The following SLC6A15 variants were observed in gnomAD, a reference collection of about 807,000 sequenced individuals.
SLC6A15 encodes the protein solute carrier family 6 member 15.
SLC6A15 carries 33 observed loss-of-function variants against 68.5 expected under a neutral mutation model. That is an observed-to-expected ratio of 0.48 (90% confidence interval 0.37 to 0.64). The LOEUF is 0.64. SLC6A15 is among the 30% of genes least tolerant of loss of function. The probability of loss-of-function intolerance (pLI) is 0.00; values close to 1 mark genes in which losing one functional copy is unlikely to be tolerated. For missense variants in SLC6A15, 747 were observed against 874.3 expected, an observed-to-expected ratio of 0.85 and a Z score of 1.84; for synonymous variants, 347 against 301.0, an observed-to-expected ratio of 1.15 and a Z score of -1.58.
intron 11 of SLC6A15, among the ~76,000 whole-genome samples, chr12:84,862,302 TGAGTTAGCCCAGGCAA>T (rs1188515166): frequency 6.6e-6 from 1 of 152,114 alleles, no homozygotes; most frequent in East Asian, 1.9e-4. Context: ...TGCAACTGCT[TGAGTTAGCCCAGGCAA>T]GAAAAGAAGA....
chr12:84,894,971 G>A (rs1477311781), intron 1 of SLC6A15, among the ~76,000 whole-genome samples: 2 of 152,078 alleles, frequency 1.3e-5, no homozygotes, highest in Middle Eastern at 6.9e-3. Flanking sequence ...GTGGGTATTT[G>A]CATGCATTAA....
intron 1 of SLC6A15, among the ~76,000 whole-genome samples, chr12:84,894,745 G>A (rs1334950188): frequency 6.6e-6 from 1 of 151,992 alleles, no homozygotes; most frequent in Admixed American, 6.6e-5. Flanking sequence ...ATTTACATAA[G>A]TTATCCTTTG....
intron 2 of SLC6A15, among the ~76,000 whole-genome samples, chr12:84,886,531 CT>C (rs948182229): frequency 1.0e-4 from 15 of 149,834 alleles, no homozygotes; most frequent in East Asian, 2.0e-4. Flanking sequence ...TTAACGTTGA[CT>C]TTTTTTTCCA....
At chr12:84,897,227 A>C in intron 1 of SLC6A15, among the ~76,000 whole-genome samples, 1 of 152,114 alleles carries the variant, frequency 6.6e-6, no homozygotes, top group South Asian at 2.1e-4. Flanking sequence ...AAAATAAAAT[A>C]AAGAAAAAGA....
chr12:84,904,215 G>A (rs1295368978), intron 1 of SLC6A15, among the ~76,000 whole-genome samples: 1 of 140,910 alleles, frequency 7.1e-6, no homozygotes, highest in Non-Finnish European at 1.5e-5. Flanking sequence ...AGGGGGGAGG[G>A]GCGGAGGGGG....
rs563247492 is a variant in SLC6A15 at position 84,875,047 on chromosome 12, T to C, written c.867+1450A>G. On this transcript the variant is annotated intron_variant, in intron 6 of 11. Coordinates refer to ENST00000266682, the MANE Select transcript of SLC6A15 (RefSeq NM_182767.6). The stretch of plus-strand genomic sequence containing the variant: ...TGCAGTTTTCAGTACTGGGGCCATA[T>C]AGAATTATTACATATAAGCATTTAA... 2.1e-3 allele frequency among the ~76,000 whole-genome samples: 320 copies of C among 152,300 alleles called. 2 individuals carry two copies. Among genetic ancestry groups the C allele is most frequent in the Non-Finnish European group, 2.8e-3 (189 of 68,020 alleles).
rs773813269 is a variant in SLC6A15, at chr12:84,886,033, C to T, written c.325G>A (p.Val109Ile). The change falls in exon 3 of 12, where the codon GTA becomes ATA. Residue 109 changes from valine to isoleucine, a missense_variant. Physicochemically the swap from Val to Ile is conservative, Grantham distance 29. Transcript: ENST00000266682. Reference sequence around the variant, plus strand: ...AAGAAAAAAAGGGGAATACCTATTACCATAAGTAGTATTAAATATGGTAAA... The same window carrying T: ...AAGAAAAAAAGGGGAATACCTATTATCATAAGTAGTATTAAATATGGTAAA... ...YLLPYLILLMVIGIPLFFLEL... is the reference protein window; with the variant it reads ...YLLPYLILLMIIGIPLFFLEL... 5.2e-5 allele frequency: 84 copies of T among 1,605,656 alleles called. No homozygotes were observed. The highest frequency in any genetic ancestry group is 7.1e-5 in the Non-Finnish European group (83 of 1,174,282).
chr12:84,877,247 A>G (rs1871589673), intron 5 of SLC6A15, among the ~76,000 whole-genome samples: 1 of 152,142 alleles, frequency 6.6e-6, no homozygotes, highest in African/African-American at 2.4e-5. Flanking sequence ...CCAGAGGGAA[A>G]CTTCTGAATT....
At chr12:84,862,206 T>C (rs1390826425) in intron 11 of SLC6A15, among the ~76,000 whole-genome samples, 200 bp from the exon 12 acceptor site, 1 of 152,092 alleles carries the variant, frequency 6.6e-6, no homozygotes, top group East Asian at 1.9e-4. Flanking sequence ...GCTTCTTTCT[T>C]AGAATATTGC....
chr12:84,871,152 T>A (rs914398446), intron 8 of SLC6A15, among the ~76,000 whole-genome samples: 1 of 151,544 alleles, frequency 6.6e-6, no homozygotes, highest in East Asian at 1.9e-4. Flanking sequence ...TATATACATA[T>A]ACACTATGAA....
intron 2 of SLC6A15, 26 bp from the exon 3 acceptor site, chr12:84,886,094 A>G (rs1365529451): frequency 6.7e-7 from 1 of 1,497,950 alleles, no homozygotes; most frequent in Non-Finnish European, 9.2e-7. Context: ...CAAAAAATAG[A>G]TTATATTTTC....
intron 5 of SLC6A15, among the ~76,000 whole-genome samples, chr12:84,878,599 T>C (rs1013243570): frequency 7.2e-6 from 1 of 139,544 alleles, no homozygotes; most frequent in Middle Eastern, 3.2e-3. Context: ...AAAGTCTAGA[T>C]AGACTGATTA....
rs376559917 is a variant in SLC6A15, at chr12:84,875,821, A to G, written c.867+676T>C. ...TTAGCTCTACAAAGTTGCATGATGGATTATAAGTTCTGAGCCCTTGATGGA... is the reference window on the plus strand; with the variant it reads ...TTAGCTCTACAAAGTTGCATGATGGGTTATAAGTTCTGAGCCCTTGATGGA... On this transcript the variant is annotated intron_variant, in intron 6 of 11. Coordinates refer to ENST00000266682, the MANE Select transcript of SLC6A15 (RefSeq NM_182767.6). Among the ~76,000 whole-genome samples the G allele has an allele frequency of 4.0e-5, 6 of 150,906 alleles. No individual in the cohort carries two copies. In the East Asian group the frequency reaches 9.8e-4, roughly 25 times the overall value.
At chr12:84,871,829 T>C (rs1220312870) in intron 8 of SLC6A15, among the ~76,000 whole-genome samples, 1 of 152,158 alleles carries the variant, frequency 6.6e-6, no homozygotes, top group Non-Finnish European at 1.5e-5. Flanking sequence ...TGGTGACCTA[T>C]TTCTTATTTA....
chr12:84,875,338 G>A (rs991702494), intron 6 of SLC6A15, among the ~76,000 whole-genome samples: 2 of 151,994 alleles, frequency 1.3e-5, no homozygotes, highest in Non-Finnish European at 2.9e-5. Flanking sequence ...TGTTAAACAG[G>A]AATTTTGAAG....
chr12:84,882,507 T>G, intron 5 of SLC6A15: 4 of 894,040 alleles, frequency 4.5e-6, no homozygotes, highest in Non-Finnish European at 5.4e-6. Context: ...TCACTAAAAT[T>G]TTTAATTAAA....
rs1274895579 is a variant in SLC6A15 at position 84,861,714 on chromosome 12, A to G, written c.2111T>C (p.Leu704Pro). 3 of 1,613,902 alleles carry G rather than the reference A, an allele frequency of 1.9e-6. No homozygotes were observed. The highest frequency in any genetic ancestry group is 3.3e-5 in the Admixed American group (2 of 59,970). ...IYRKQSGSPT[L>P]DTAPNGRYGI... ...ATACCGTCCATTGGGAGCAGTATCC[A>G]GAGTTGGGGATCCACTCTGTTTTCG... is the stretch of plus-strand genomic sequence containing the variant. The change falls in exon 12 of 12, where the codon CTG becomes CCG. Residue 704 changes from leucine to proline, a missense_variant. Leu to Pro is a moderately conservative substitution (Grantham distance 98). Transcript: ENST00000266682.
At chr12:84,885,849 G>T in intron 3 of SLC6A15, 62 bp downstream of exon 3, 1 of 1,451,308 alleles carries the variant, frequency 6.9e-7, no homozygotes, top group Non-Finnish European at 9.3e-7. Context: ...TCATTTAAAT[G>T]TTAATTATAT....
At chr12:84,862,682 TATAAC>T (rs1565718546) in intron 11 of SLC6A15, among the ~76,000 whole-genome samples, 2 of 152,198 alleles carry the variant, frequency 1.3e-5, no homozygotes, top group African/African-American at 4.8e-5. Flanking sequence ...ATATAAAAAT[TATAAC>T]AGAACTTTAC....
Sources: allele counts gnomAD v4.1 joint callset (sites outside exome capture counted in the v4.1 genomes callset), GRCh38; gene constraint gnomAD v4.1.1; transcripts MANE v1.5; gene names NCBI Gene and HGNC (gene_info 2026-07-23, HGNC 2026-07-21).